The following VRK2 variants were observed in gnomAD, a reference collection of about 807,000 sequenced individuals.
The protein encoded by VRK2 is serine/threonine-protein kinase VRK2.
In VRK2, 60 loss-of-function variants were observed where a neutral mutation model predicts 57.6. The observed-to-expected ratio is 1.04, with a 90% confidence interval of 0.85 to 1.29. The LOEUF is 1.29. Among genes scored for constraint, VRK2 ranks in the 50% most tolerant of loss-of-function variants. VRK2 has a pLI of 0.00. For missense variants in VRK2, 705 were observed against 588.1 expected, an observed-to-expected ratio of 1.20 and a Z score of -2.06; for synonymous variants, 231 against 199.2, an observed-to-expected ratio of 1.16 and a Z score of -1.35.
At chr2:57,914,169 T>C (rs1225037122) in intron 1 of VRK2, among the ~76,000 whole-genome samples, 1 of 152,020 alleles carries the variant, frequency 6.6e-6, no homozygotes, top group Admixed American at 6.6e-5. Flanking sequence ...AATACATCTG[T>C]ATTAATTTCT....
In VRK2 at chr2:58,006,039, T is replaced by TA. The variant is rs544171850; in HGVS notation, c.-438-19625dup. 1.0e-3 allele frequency among the ~76,000 whole-genome samples: 155 copies of TA among 152,292 alleles called. 1 individual carries two copies. The highest frequency in any genetic ancestry group is 3.6e-3 in the African/African-American group (149 of 41,558). ...CTCTCTTTGCTTCCAGACCTGTAGC[T>TA]AGACTCATGTCCCAGCATCCCCCTA... On this transcript the variant is annotated intron_variant, in intron 1 of 15. Coordinates refer to the VRK2 transcript ENST00000417641.
intron 12 of VRK2, among the ~76,000 whole-genome samples, chr2:58,150,109 T>C: frequency 6.6e-6 from 1 of 151,254 alleles, no homozygotes; most frequent in East Asian, 1.9e-4. Flanking sequence ...AATATCCTTG[T>C]ATGGTTTTGT....
chr2:57,991,182 T>C (rs924592733), intron 1 of VRK2, among the ~76,000 whole-genome samples: 6 of 152,244 alleles, frequency 3.9e-5, no homozygotes, highest in Admixed American at 3.9e-4. Flanking sequence ...GTGTACCAAA[T>C]TTTGCTAGTA....
intron 7 of VRK2, among the ~76,000 whole-genome samples, chr2:58,111,832 T>G (rs957587566): frequency 2.0e-5 from 3 of 152,080 alleles, no homozygotes; most frequent in Admixed American, 2.0e-4. Flanking sequence ...CCAAAACAAG[T>G]TTTATTTTAG....
intron 7 of VRK2, among the ~76,000 whole-genome samples, chr2:58,099,117 G>A (rs1484178535): frequency 6.6e-6 from 1 of 152,000 alleles, no homozygotes; most frequent in Non-Finnish European, 1.5e-5. Context: ...TATCAAAAAT[G>A]ATAGTGGTGT....
intron 2 of VRK2, among the ~76,000 whole-genome samples, chr2:58,027,515 T>C (rs1042315122): frequency 4.6e-5 from 7 of 152,096 alleles, no homozygotes; most frequent in Non-Finnish European, 7.4e-5. Flanking sequence ...TTGGTTCTCA[T>C]GTTAGCAGTA....
At chr2:58,113,833 G>C (rs183900990) in intron 7 of VRK2, among the ~76,000 whole-genome samples, 2 of 152,132 alleles carry the variant, frequency 1.3e-5, no homozygotes, top group Non-Finnish European at 2.9e-5. Context: ...GGGATGCGAC[G>C]GCTTGGCTTG....
intron 1 of VRK2, among the ~76,000 whole-genome samples, chr2:57,941,283 TAA>T (rs1218886242): frequency 2.6e-5 from 4 of 152,138 alleles, no homozygotes; most frequent in East Asian, 3.9e-4. Flanking sequence ...AAAAACATAT[TAA>T]GAGTGACATA....
At chr2:58,111,918 A>T (rs1675628674) in intron 7 of VRK2, among the ~76,000 whole-genome samples, 1 of 152,214 alleles carries the variant, frequency 6.6e-6, no homozygotes, top group Admixed American at 6.5e-5. Flanking sequence ...TGTGGGTCAC[A>T]TATGGTTCTC....
At chr2:57,946,847 T>A (rs540913536) in intron 1 of VRK2, among the ~76,000 whole-genome samples, 2 of 152,146 alleles carry the variant, frequency 1.3e-5, no homozygotes, top group Non-Finnish European at 1.5e-5. Flanking sequence ...GAAGTGAGGA[T>A]GCATGAGAGA....
intron 1 of VRK2, among the ~76,000 whole-genome samples, chr2:57,998,923 AT>A (rs1403984550): frequency 1.3e-5 from 2 of 152,228 alleles, no homozygotes; most frequent in Non-Finnish European, 2.9e-5. Context: ...ATGGATAGTT[AT>A]CTGTACTGTA....
intron 2 of VRK2, among the ~76,000 whole-genome samples, chr2:58,029,168 G>T (rs1674037123): frequency 6.6e-6 from 1 of 151,670 alleles, no homozygotes; most frequent in African/African-American, 2.4e-5. Flanking sequence ...AGCCTAAAGA[G>T]TTCTATGAAA....
intron 1 of VRK2, among the ~76,000 whole-genome samples, chr2:58,047,747 A>G (rs1675068787): frequency 7.1e-6 from 1 of 140,722 alleles, no homozygotes; most frequent in Non-Finnish European, 1.5e-5. Flanking sequence ...TTGTGTGCCT[A>G]TCAGGAGGAA....
chr2:57,916,047 G>A (rs1670136901), intron 1 of VRK2, among the ~76,000 whole-genome samples: 1 of 151,962 alleles, frequency 6.6e-6, no homozygotes, highest in African/African-American at 2.4e-5. Context: ...AAAAGGCTGG[G>A]GACTGCTGCA....
chr2:58,138,921 G>A (rs2104602472), intron 10 of VRK2, among the ~76,000 whole-genome samples: 1 of 152,254 alleles, frequency 6.6e-6, no homozygotes, highest in East Asian at 1.9e-4. Flanking sequence ...ATGCAGTGAT[G>A]TTTGTAACTG....
intron 7 of VRK2, among the ~76,000 whole-genome samples, chr2:58,111,768 C>T (rs1450483421): frequency 6.6e-6 from 1 of 151,574 alleles, no homozygotes. Context: ...AAAATATTAG[C>T]CGTTTGTTTT....
intron 1 of VRK2, among the ~76,000 whole-genome samples, chr2:57,982,330 C>A (rs745699440): frequency 5.3e-5 from 8 of 152,142 alleles, no homozygotes; most frequent in Non-Finnish European, 7.4e-5. Flanking sequence ...GTGCTCTGGG[C>A]GGAGGGTGGC....
At chr2:58,146,057 A>G (rs1250344992) in intron 11 of VRK2, among the ~76,000 whole-genome samples, 2 of 151,978 alleles carry the variant, frequency 1.3e-5, no homozygotes, top group Non-Finnish European at 2.9e-5. Flanking sequence ...AGTCTTTGCT[A>G]TTGTGAATAG....
intron 2 of VRK2, chr2:58,058,266 T>C (rs1676824522): frequency 4.5e-6 from 2 of 447,538 alleles, no homozygotes; most frequent in African/African-American, 4.1e-5. Context: ...ATTTAACTTT[T>C]GGGAATGATG....
Sources: gnomAD v4.1 joint callset for allele counts (sites outside exome capture counted in the v4.1 genomes callset) on GRCh38, gnomAD v4.1.1 for gene constraint, MANE v1.5 for transcripts, NCBI Gene and HGNC (gene_info 2026-07-23, HGNC 2026-07-21) for gene names.